IGSF10: variants seen among roughly 807,000 people sequenced by gnomAD.
The protein encoded by IGSF10 is calvaria mechanical force protein 608.
In IGSF10, 126 loss-of-function variants were observed where a neutral mutation model predicts 128.2. The observed-to-expected ratio is 0.98, with a 90% CI of 0.85 to 1.14. IGSF10 has a LOEUF of 1.14. Among genes scored for constraint, IGSF10 ranks in the 50% most tolerant of loss-of-function variants. The pLI is 0.00. For missense variants in IGSF10, 3,295 were observed against 3,149.8 expected, an observed-to-expected ratio of 1.05 and a Z score of -1.10; for synonymous variants, 1,185 against 1,146.2, an observed-to-expected ratio of 1.03 and a Z score of -0.68.
At chr3:151,602,261 T>C in the IGSF10 span, among the ~76,000 whole-genome samples, 2 of 152,204 alleles carry the variant, frequency 1.3e-5, no homozygotes, top group Non-Finnish European at 1.5e-5. Context: ...AATTGGATAA[T>C]CCTTTATGCA....
At chr3:151,513,704 T>C in the IGSF10 span, among the ~76,000 whole-genome samples, 304 of 152,296 alleles carry the variant, frequency 2.0e-3, no homozygotes, top group African/African-American at 6.2e-3. Flanking sequence ...GATGACATGA[T>C]TGTATATCTA....
At chr3:151,481,832 A>T in the IGSF10 span, among the ~76,000 whole-genome samples, 1 of 152,142 alleles carries the variant, frequency 6.6e-6, no homozygotes, top group Non-Finnish European at 1.5e-5. Flanking sequence ...TCTGTTAACT[A>T]AAGAGGATTC....
downstream of IGSF10, chr3:151,435,933 A>T (rs558598242): frequency 6.6e-6 from 1 of 152,212 alleles, no homozygotes; most frequent in South Asian, 2.1e-4. Context: ...ATTTCCTTAT[A>T]AACAGCTCCA....
chr3:151,571,518 C>T, the IGSF10 span, among the ~76,000 whole-genome samples: 1 of 151,914 alleles, frequency 6.6e-6, no homozygotes, highest in Non-Finnish European at 1.5e-5. Context: ...TTGGCTCTCT[C>T]TTTGTCTGTT....
At chr3:151,566,100 G>A in the IGSF10 span, 2 of 152,830 alleles carry the variant, frequency 1.3e-5, no homozygotes, top group East Asian at 3.9e-4. Flanking sequence ...ACAAAGTGAG[G>A]CCCTAGCTAC....
At chr3:151,576,975 C>T in the IGSF10 span, among the ~76,000 whole-genome samples, 1 of 152,130 alleles carries the variant, frequency 6.6e-6, no homozygotes, top group African/African-American at 2.4e-5. Flanking sequence ...AGTAAACTTT[C>T]AATTTACTCT....
chr3:151,448,328 A>G lies in IGSF10; in HGVS notation c.1653T>C (p.Cys551=). The G allele has an allele frequency of 6.2e-7, 1 of 1,614,218 alleles. No homozygotes were observed. Among genetic ancestry groups the G allele is most frequent in the Middle Eastern group, 1.6e-4 (1 of 6,062 alleles). The stretch of plus-strand genomic sequence containing the variant: ...CTGCATCATCATAATTGCTGCTTAT[A>G]CAGTGATATACGCCTGTGTCAAAAC... The part of the protein sequence containing the change: ...ADSFDTGVYH[C]ISSNYDDADI... Residue 551 remains cysteine (C), a synonymous_variant, in exon 6 of 8, where the codon TGT becomes TGC. Coordinates refer to ENST00000282466, the MANE Select transcript of IGSF10 (RefSeq NM_178822.5).
the IGSF10 span, among the ~76,000 whole-genome samples, chr3:151,482,838 T>C: frequency 6.6e-6 from 1 of 151,256 alleles, no homozygotes. Flanking sequence ...TCATTACTAT[T>C]AGTGGATTTC....
the IGSF10 span, among the ~76,000 whole-genome samples, chr3:151,545,958 C>G: frequency 0.41 from 62,589 of 151,200 alleles, 13,238 homozygotes; most frequent in South Asian, 0.52. Flanking sequence ...AGCAGATGAG[C>G]TTAGCCTGGT....
chr3:151,567,296 T>A, the IGSF10 span, among the ~76,000 whole-genome samples: 1 of 152,182 alleles, frequency 6.6e-6, no homozygotes, highest in Admixed American at 6.5e-5. Flanking sequence ...TAATAAATAT[T>A]CATTTTATTT....
the IGSF10 span, among the ~76,000 whole-genome samples, chr3:151,503,655 A>T: frequency 6.6e-6 from 1 of 152,338 alleles, no homozygotes; most frequent in East Asian, 1.9e-4. Flanking sequence ...GCTCAGATAC[A>T]GCTGACTTAT....
At position 151,442,380 on chromosome 3, in the gene IGSF10, A is replaced by ATTTTTT. The variant is rs3975405; in HGVS notation, c.5963+598_5963+603dup. ...GTGTGAATATATTTATACAATTACT[A>ATTTTTT]TTTTTTTTTTTTTTTTTGAGACAAA... On this transcript the variant is annotated intron_variant, in intron 7 of 7. Transcript: ENST00000282466. Among the ~76,000 whole-genome samples the ATTTTTT allele has an allele frequency of 2.2e-3, 272 of 124,466 alleles. 10 individuals carry two copies. The highest frequency in any genetic ancestry group is 5.6e-3 in the African/African-American group (176 of 31,558). The allele number at this position is 124,466 out of a possible 152,430, so 81.7% of individuals were successfully genotyped here.
At position 151,443,121 on chromosome 3, in the gene IGSF10, C is replaced by G; in HGVS notation, c.5826G>C (p.Arg1942Ser). ...TCCTTTTCTGGGATGCAGCTTCTAT[C>G]CTGGGGCTGGTCACTCGCTCTTCCA... Reference protein sequence around the residue: ...LTMEERVTSPRIEAASQKRTE... With the variant: ...LTMEERVTSPSIEAASQKRTE... The change falls in exon 7 of 8, where the codon AGG becomes AGC. Residue 1942 changes from arginine to serine, a missense_variant. Coordinates refer to ENST00000282466, the MANE Select transcript of IGSF10 (RefSeq NM_178822.5). 1 of 1,614,252 alleles carries G rather than the reference C, an allele frequency of 6.2e-7. No homozygotes were observed. Among genetic ancestry groups the G allele is most frequent in the Non-Finnish European group, 8.5e-7 (1 of 1,180,042 alleles).
the IGSF10 span, among the ~76,000 whole-genome samples, chr3:151,585,728 A>G: frequency 6.7e-6 from 1 of 149,852 alleles, no homozygotes; most frequent in Non-Finnish European, 1.5e-5. Flanking sequence ...TTCTAATAAG[A>G]TATAATATAT....
the IGSF10 span, among the ~76,000 whole-genome samples, chr3:151,481,314 G>A: frequency 5.3e-5 from 8 of 152,144 alleles, no homozygotes; most frequent in Admixed American, 5.2e-4. Context: ...GTAAGGAGGG[G>A]TATCATCACT....
At chr3:151,568,809 CT>C in the IGSF10 span, among the ~76,000 whole-genome samples, 1 of 152,094 alleles carries the variant, frequency 6.6e-6, no homozygotes, top group African/African-American at 2.4e-5. Context: ...GTAAGACACC[CT>C]TATGACTGTT....
chr3:151,446,406 A>G lies in IGSF10; in HGVS notation c.3575T>C (p.Ile1192Thr). The part of the protein sequence containing the change: ...SGAITKPPMT[I>T]IAITRFSRRK... ...TCTTGAAAACCTTGTAATGGCTATA[A>G]TAGTCATTGGTGGCTTGGTGATAGC... Residue 1192 changes from isoleucine to threonine, a missense_variant, in exon 6 of 8, where the codon ATT becomes ACT. Coordinates refer to ENST00000282466, the MANE Select transcript of IGSF10 (RefSeq NM_178822.5). 6.2e-7 allele frequency: 1 copy of G among 1,614,084 alleles called. No homozygotes were observed. The highest frequency in any genetic ancestry group is 8.5e-7 in the Non-Finnish European group (1 of 1,179,942).
the IGSF10 span, among the ~76,000 whole-genome samples, chr3:151,467,881 CAA>C: frequency 2.6e-5 from 3 of 113,278 alleles, no homozygotes; most frequent in African/African-American, 3.5e-5. Flanking sequence ...GACTCCATCT[CAA>C]AAAAAAAAAG....
the IGSF10 span, among the ~76,000 whole-genome samples, chr3:151,572,250 G>A: frequency 6.6e-6 from 1 of 152,136 alleles, no homozygotes; most frequent in Non-Finnish European, 1.5e-5. Flanking sequence ...GAGTTAGGGA[G>A]GATTCTCTCT....
Sources: allele counts gnomAD v4.1 joint callset (sites outside exome capture counted in the v4.1 genomes callset), GRCh38; gene constraint gnomAD v4.1.1; transcripts MANE v1.5; gene names NCBI Gene and HGNC (gene_info 2026-07-23, HGNC 2026-07-21).